Variants in MGRN1 observed in about 807,000 individuals in gnomAD.
MGRN1 encodes the protein mahogunin ring finger 1, also known as E3 ubiquitin-protein ligase MGRN1.
Under a neutral mutation model 69.2 loss-of-function variants are expected in MGRN1, and 29 were observed. The ratio of observed to expected loss-of-function variants is 0.42; its 90% CI spans 0.31 to 0.57. The LOEUF (loss-of-function observed/expected upper bound fraction) is 0.57. MGRN1 is among the 20% of genes least tolerant of loss of function. MGRN1 has a pLI of 0.15. For missense variants in MGRN1, 998 were observed against 796.2 expected, an observed-to-expected ratio of 1.25 and a Z score of -3.05; for synonymous variants, 470 against 344.2, an observed-to-expected ratio of 1.37 and a Z score of -4.04.
chr16:4,634,178 G>T lies in MGRN1; in HGVS notation c.88+9130G>T, dbSNP rs1485157085. Among the ~76,000 whole-genome samples, 5 of 152,320 alleles carry T rather than the reference G, an allele frequency of 3.3e-5. No homozygotes were observed. In the East Asian group the frequency reaches 9.6e-4, roughly 29 times the overall value. ...AGTGTTTTGCTCAATGGGGCCCCAG[G>T]TTTCCCTGGCTGAGCCCTGGGGGTC... On this transcript the variant is annotated intron_variant, in intron 1 of 16. Transcript: ENST00000262370.
chr16:4,656,900 A>C (rs1181718194), intron 4 of MGRN1, among the ~76,000 whole-genome samples: 2 of 148,996 alleles, frequency 1.3e-5, no homozygotes, highest in African/African-American at 4.9e-5. Context: ...TAAATAAATA[A>C]ATAAATAAAT....
intron 10 of MGRN1, among the ~76,000 whole-genome samples, chr16:4,674,626 C>CTTTTTTTTTTTTTTTTTTTTT (rs71139654): frequency 1.1e-4 from 5 of 47,254 alleles, no homozygotes; most frequent in Admixed American, 3.4e-4. Flanking sequence ...CTTTTCTTTT[C>CTTTTTTTTTTTTTTTTTTTTT]TTTTTTTTTT....
intron 10 of MGRN1, among the ~76,000 whole-genome samples, chr16:4,674,151 ATATTT>A (rs2079002400): frequency 1.3e-5 from 2 of 152,110 alleles, no homozygotes; most frequent in Middle Eastern, 3.4e-3. Context: ...TGGCCAGCTA[ATATTT>A]TACTTTTATT....
chr16:4,682,487 C>G (rs2079209558), intron 13 of MGRN1, among the ~76,000 whole-genome samples: 1 of 152,216 alleles, frequency 6.6e-6, no homozygotes, highest in African/African-American at 2.4e-5. Flanking sequence ...GGAGGCAGCG[C>G]CAAAGCTCAG....
At position 4,683,249 on chromosome 16, in the gene MGRN1, AGTC is replaced by A. The variant is rs1250731512; in HGVS notation, c.1515_1517del (p.Ser506del). 4 of 1,613,722 alleles carry A rather than the reference AGTC, an allele frequency of 2.5e-6. No individual in the cohort carries two copies. Among genetic ancestry groups the A allele is most frequent in the South Asian group, 1.1e-5 (1 of 91,090 alleles). On this transcript the variant is annotated inframe_deletion, in exon 15 of 17. Transcript: ENST00000262370. ...AGTTTCATAACAGAAGAGGTTGATG[AGTC>A]GTCGTCACCACAGCAAGGTGAGCGC...
At chr16:4,679,110 T>C (rs2079119353) in intron 11 of MGRN1, among the ~76,000 whole-genome samples, 2 of 152,328 alleles carry the variant, frequency 1.3e-5, no homozygotes, top group East Asian at 3.9e-4. Flanking sequence ...TCCAGCACTT[T>C]TGATGTTGGC....
chr16:4,687,564 C>G (rs944620957), intron 16 of MGRN1: 5 of 799,086 alleles, frequency 6.3e-6, no homozygotes, highest in African/African-American at 4.5e-5. Flanking sequence ...GACCCTGTCT[C>G]AAGAAAAAAA....
In MGRN1 at chr16:4,686,704, C is replaced by A. The variant is rs1348041039; in HGVS notation, c.1619-2092C>A. On this transcript the variant is annotated intron_variant, in intron 16 of 16. Transcript: ENST00000262370. ...CACCGTGGAGGGAACCCCAGGGAGA[C>A]ATGGGGTGAGCGTCCCAAGGGGAGA... 1.3e-5 allele frequency: 13 copies of A among 1,027,496 alleles called. No individual in the cohort carries two copies. The South Asian group carries it at 4.7e-4, about 37-fold the overall frequency. 63.6% of individuals were successfully genotyped at this position (1,027,496 alleles called of 1,614,324 possible). A position where few individuals can be genotyped will look rare whatever the true frequency, so the allele number is the denominator to read the frequency against.
intron 4 of MGRN1, among the ~76,000 whole-genome samples, chr16:4,653,289 G>A (rs986478789): frequency 6.6e-6 from 1 of 152,176 alleles, no homozygotes; most frequent in Admixed American, 6.5e-5. Context: ...TTCACAGGGT[G>A]AGGTGTGGGG....
At chr16:4,646,020 TCTGGGTGAC>T (rs1034418981) in intron 1 of MGRN1, among the ~76,000 whole-genome samples, 5 of 152,168 alleles carry the variant, frequency 3.3e-5, no homozygotes, top group African/African-American at 4.8e-5. Context: ...GACGTCTCTT[TCTGGGTGAC>T]TCCTTCAGAG....
chr16:4,657,934 G>C (rs1157387211), intron 5 of MGRN1, among the ~76,000 whole-genome samples: 3 of 151,186 alleles, frequency 2.0e-5, no homozygotes, highest in African/African-American at 7.3e-5. Flanking sequence ...AGTAGAGACG[G>C]GGTTTCACCG....
At chr16:4,640,974 G>T (rs762395878) in intron 1 of MGRN1, among the ~76,000 whole-genome samples, 1 of 152,200 alleles carries the variant, frequency 6.6e-6, no homozygotes, top group South Asian at 2.1e-4. Flanking sequence ...TGGGGCCAGC[G>T]GGAAAGGGGG....
At position 4,668,470 on chromosome 16, in the gene MGRN1, GAC is replaced by G. The variant is rs202139209; in HGVS notation, c.726+164_726+165del. The stretch of plus-strand genomic sequence containing the variant: ...ACACATTCACTTGCACATATATACG[GAC>G]ACACATACATACCATCAGACACTCA... On this transcript the variant is annotated intron_variant, in intron 8 of 16. Transcript: ENST00000262370. Among the ~76,000 whole-genome samples, 1,402 of 150,762 alleles carry G rather than the reference GAC, an allele frequency of 9.3e-3. 17 individuals are homozygous for G. The highest frequency in any genetic ancestry group is 0.032 in the African/African-American group (1,327 of 40,936).
chr16:4,665,128 G>A lies in MGRN1; in HGVS notation c.655G>A (p.Val219Met), dbSNP rs776387378. The change falls in exon 7 of 17, where the codon GTG becomes ATG. Residue 219 changes from valine (V) to methionine (M), a missense_variant. Coordinates refer to ENST00000262370, the MANE Select transcript of MGRN1 (RefSeq NM_015246.4). ...GGTGGAAGTGACTGGCCACGCCCACGTGCTCTTGGCTGCCTTTGAAAAGGT... is the reference window on the plus strand; with the variant it reads ...GGTGGAAGTGACTGGCCACGCCCACATGCTCTTGGCTGCCTTTGAAAAGGT... ...DVVEVTGHAH[V>M]LLAAFEKHMD... 1.2e-5 allele frequency: 20 copies of A among 1,614,066 alleles called. No individual in the cohort carries two copies. Among genetic ancestry groups the A allele is most frequent in the African/African-American group, 2.7e-5 (2 of 74,924 alleles).
intron 5 of MGRN1, among the ~76,000 whole-genome samples, chr16:4,661,794 G>A (rs565738463): frequency 1.1e-3 from 170 of 152,378 alleles, no homozygotes; most frequent in Admixed American, 3.8e-3. Flanking sequence ...GAGATGCGGG[G>A]CCTAGGTCCG....
At position 4,647,148 on chromosome 16, in the gene MGRN1, G is replaced by T. The variant is rs565522584; in HGVS notation, c.89-3217G>T. 1.3e-5 allele frequency among the ~76,000 whole-genome samples: 2 copies of T among 152,234 alleles called. 1 individual carries two copies. Among genetic ancestry groups the T allele is most frequent in the South Asian group, 4.1e-4 (2 of 4,826 alleles). Reference sequence around the variant, plus strand: ...GCCCTTGTCTGCCAGCAGCTAGTGCGGGGGTTCCCAGCAGCCGAGTCCTTC... The same window carrying T: ...GCCCTTGTCTGCCAGCAGCTAGTGCTGGGGTTCCCAGCAGCCGAGTCCTTC... On this transcript the variant is annotated intron_variant, in intron 1 of 16. Coordinates refer to ENST00000262370, the MANE Select transcript of MGRN1 (RefSeq NM_015246.4).
At chr16:4,685,506 G>C (rs1393395496) in intron 16 of MGRN1, among the ~76,000 whole-genome samples, 1 of 152,256 alleles carries the variant, frequency 6.6e-6, no homozygotes, top group East Asian at 1.9e-4. Flanking sequence ...CATCGGGGCA[G>C]CCTGAGGTGA....
intron 9 of MGRN1, among the ~76,000 whole-genome samples, chr16:4,673,171 G>A (rs1175806406): frequency 6.6e-6 from 1 of 152,108 alleles, no homozygotes; most frequent in Non-Finnish European, 1.5e-5. Flanking sequence ...AAAGATAACG[G>A]GTACCCTGAC....
At chr16:4,687,794 G>T (rs2079366385) in intron 16 of MGRN1, 1 of 985,310 alleles carries the variant, frequency 1.0e-6, no homozygotes, top group Non-Finnish European at 1.2e-6. Flanking sequence ...TTTCCCCTTG[G>T]GTGGACTTGA....
Sources: allele counts gnomAD v4.1 joint callset (sites outside exome capture counted in the v4.1 genomes callset), GRCh38; gene constraint gnomAD v4.1.1; transcripts MANE v1.5; gene names NCBI Gene and HGNC (gene_info 2026-07-23, HGNC 2026-07-21).